CCSER1: variants seen among roughly 807,000 people sequenced by gnomAD.
The protein encoded by CCSER1 is coiled-coil serine rich protein 1, also known as serine-rich coiled-coil domain-containing protein 1.
CCSER1 carries 41 observed loss-of-function variants against 82.0 expected under a neutral mutation model. That is an observed-to-expected ratio of 0.50 (90% CI 0.39 to 0.65). The LOEUF is 0.65. Among genes scored for constraint, CCSER1 ranks in the 30% least tolerant of loss-of-function variants. The pLI, the probability that CCSER1 is intolerant of heterozygous loss-of-function variation, is 0.00. For synonymous variants in CCSER1, 414 were observed against 383.9 expected, an observed-to-expected ratio of 1.08 and a Z score of -0.92; for missense variants, 1,119 against 1,064.2, an observed-to-expected ratio of 1.05 and a Z score of -0.72.
intron 5 of CCSER1, among the ~76,000 whole-genome samples, chr4:90,612,371 A>G (rs1290423590): frequency 3.3e-5 from 5 of 152,220 alleles, no homozygotes; most frequent in Admixed American, 3.3e-4. Flanking sequence ...CACTTAAAAG[A>G]CAAGATAATC....
chr4:91,041,783 A>G (rs67038905), intron 9 of CCSER1, among the ~76,000 whole-genome samples: 15,091 of 152,232 alleles, frequency 0.099, 841 homozygotes, highest in Admixed American at 0.18. Context: ...TTCAGTACAC[A>G]TGAATTATAA....
intron 10 of CCSER1, chr4:91,319,494 C>T (rs934735189): frequency 1.3e-5 from 5 of 373,044 alleles, no homozygotes; most frequent in African/African-American, 1.1e-4. Flanking sequence ...ATGACTTTGG[C>T]ATTCCCTCAT....
At chr4:90,786,629 C>T (rs1754555535) in intron 7 of CCSER1, among the ~76,000 whole-genome samples, 1 of 151,902 alleles carries the variant, frequency 6.6e-6, no homozygotes, top group South Asian at 2.1e-4. Flanking sequence ...TTCCATTTAC[C>T]ACATGGACTT....
At chr4:90,707,184 T>C (rs1739511961) in intron 6 of CCSER1, among the ~76,000 whole-genome samples, 2 of 152,140 alleles carry the variant, frequency 1.3e-5, no homozygotes, top group Admixed American at 6.5e-5. Flanking sequence ...TCTAAAATAG[T>C]CCATGTTTAG....
intron 5 of CCSER1, among the ~76,000 whole-genome samples, chr4:90,492,609 T>G (rs1283404745): frequency 6.6e-6 from 1 of 152,196 alleles, no homozygotes; most frequent in Non-Finnish European, 1.5e-5. Context: ...AATTGTGATG[T>G]TAGGGTGTCA....
intron 3 of CCSER1, among the ~76,000 whole-genome samples, chr4:90,362,785 T>C (rs1745592092): frequency 6.6e-6 from 1 of 152,182 alleles, no homozygotes. Flanking sequence ...CAGAAAGGTA[T>C]CATTCCATGG....
chr4:90,705,067 A>G (rs957805653), intron 6 of CCSER1, among the ~76,000 whole-genome samples: 2 of 152,074 alleles, frequency 1.3e-5, no homozygotes, highest in Non-Finnish European at 2.9e-5. Context: ...TAGAATTTTC[A>G]GCTTTTTTGC....
intron 9 of CCSER1, among the ~76,000 whole-genome samples, chr4:91,069,104 G>A (rs977352331): frequency 5.3e-5 from 8 of 152,082 alleles, no homozygotes; most frequent in Non-Finnish European, 1.2e-4. Context: ...AAACTAGGAG[G>A]CAGAGGTTGC....
intron 10 of CCSER1, among the ~76,000 whole-genome samples, chr4:91,287,892 T>A (rs992307054): frequency 4.0e-5 from 6 of 151,754 alleles, no homozygotes; most frequent in African/African-American, 1.5e-4. Flanking sequence ...GAATATTGCC[T>A]TTCTTTTGAG....
chr4:91,290,378 C>T (rs72877090), intron 10 of CCSER1, among the ~76,000 whole-genome samples: 3,392 of 152,010 alleles, frequency 0.022, 135 homozygotes, highest in African/African-American at 0.075. Flanking sequence ...TAAGATATTA[C>T]CAAAATGACC....
At chr4:91,481,874 A>G (rs1287214895) in intron 10 of CCSER1, among the ~76,000 whole-genome samples, 1 of 152,196 alleles carries the variant, frequency 6.6e-6, no homozygotes, top group Non-Finnish European at 1.5e-5. Flanking sequence ...CAATCTACTC[A>G]TCTGACAAAG....
At chr4:91,069,371 T>C (rs912845083) in intron 9 of CCSER1, among the ~76,000 whole-genome samples, 21 of 152,154 alleles carry the variant, frequency 1.4e-4, no homozygotes, top group African/African-American at 4.6e-4. Flanking sequence ...TTTTTCTGAA[T>C]GAATTTGAAT....
At chr4:91,562,452 A>G (rs954110487) in intron 10 of CCSER1, among the ~76,000 whole-genome samples, 2 of 151,468 alleles carry the variant, frequency 1.3e-5, no homozygotes, top group African/African-American at 2.4e-5. Flanking sequence ...CTTGGATGGA[A>G]TAAGGGTTTA....
chr4:91,502,086 A>C (rs868224089), intron 10 of CCSER1, among the ~76,000 whole-genome samples: 5 of 152,194 alleles, frequency 3.3e-5, no homozygotes, highest in African/African-American at 1.2e-4. Context: ...CTGTCCTCCC[A>C]CAGAAACTGG....
intron 1 of CCSER1, among the ~76,000 whole-genome samples, chr4:90,296,580 T>C (rs986923122): frequency 1.3e-5 from 2 of 152,208 alleles, no homozygotes; most frequent in Admixed American, 1.3e-4. Flanking sequence ...GCCTATGTCC[T>C]GAATGGTAAT....
chr4:90,440,559 G>A (rs1759718757), intron 4 of CCSER1, among the ~76,000 whole-genome samples: 1 of 152,176 alleles, frequency 6.6e-6, no homozygotes, highest in African/African-American at 2.4e-5. Flanking sequence ...CCAGTCAAAG[G>A]TTGGACAGGC....
At chr4:91,112,557 C>T (rs1415372113) in intron 10 of CCSER1, 2 of 152,126 alleles carry the variant, frequency 1.3e-5, no homozygotes, top group African/African-American at 2.4e-5. Context: ...TGTATTACTA[C>T]TTAAGGGTCA....
At chr4:90,152,481 A>AG (rs752561660) in intron 1 of CCSER1, among the ~76,000 whole-genome samples, 69 of 152,124 alleles carry the variant, frequency 4.5e-4, no homozygotes, top group Admixed American at 2.0e-4. Flanking sequence ...GGGATATTAC[A>AG]GTGAGCTTAT....
intron 9 of CCSER1, among the ~76,000 whole-genome samples, chr4:91,045,758 T>C (rs1420269059): frequency 2.0e-5 from 3 of 151,966 alleles, no homozygotes; most frequent in East Asian, 3.9e-4. Context: ...TTAGACAAGA[T>C]AAAAATAATG....
Sources: gnomAD v4.1 joint callset for allele counts (sites outside exome capture counted in the v4.1 genomes callset) on GRCh38, gnomAD v4.1.1 for gene constraint, MANE v1.5 for transcripts, NCBI Gene and HGNC (gene_info 2026-07-23, HGNC 2026-07-21) for gene names.